The following THAP6 variants were observed in gnomAD, a reference collection of about 807,000 sequenced individuals.
The protein encoded by THAP6 is THAP domain containing 6, also known as THAP domain-containing protein 6.
Under a neutral mutation model 20.0 loss-of-function variants are expected in THAP6, and 13 were observed. That is an observed-to-expected ratio of 0.65 (90% CI 0.42 to 1.03). The LOEUF (loss-of-function observed/expected upper bound fraction) is 1.03, where lower values mean the gene tolerates loss of function less well. Among genes scored for constraint, THAP6 ranks in the 50% least tolerant of loss-of-function variants. The probability of loss-of-function intolerance (pLI) is 0.00; values close to 1 mark genes in which losing one functional copy is unlikely to be tolerated. For missense variants in THAP6, 262 were observed against 261.6 expected (o/e 1.00, Z -0.01); for synonymous variants, 93 against 92.2 (o/e 1.01, Z -0.05).
chr4:75,514,428 C>T, upstream of THAP6: 1 of 949,520 alleles, frequency 1.1e-6, no homozygotes, highest in South Asian at 2.0e-5. Context: ...TGACCCGGGG[C>T]AGACGGATTT....
rs1460002396 is a variant in THAP6, at chr4:75,528,414, C to T, written c.*1200C>T. 1 of 985,318 alleles carries T rather than the reference C, an allele frequency of 1.0e-6. No individual in the cohort carries two copies. The highest frequency in any genetic ancestry group is 1.2e-6 in the Non-Finnish European group (1 of 829,866). The allele number at this position is 985,318 out of a possible 1,614,324, so 61.0% of individuals were successfully genotyped here. A position where few individuals can be genotyped will look rare whatever the true frequency, so the allele number is the denominator to read the frequency against. On this transcript the variant is annotated 3_prime_UTR_variant, in exon 5 of 5. Coordinates refer to ENST00000311638, the MANE Select transcript of THAP6 (RefSeq NM_144721.6). ...GCCAAAGCAACACTCTACTTAGAAG[C>T]ACATGTACATACATGGACCTCATTC...
chr4:75,518,313 A>G (rs957891679), intron 3 of THAP6, among the ~76,000 whole-genome samples: 11 of 152,258 alleles, frequency 7.2e-5, no homozygotes, highest in African/African-American at 2.4e-4. Context: ...AAATAATCAC[A>G]TAATCCATAG....
intron 3 of THAP6, among the ~76,000 whole-genome samples, chr4:75,520,379 T>A (rs1717112993): frequency 6.6e-6 from 1 of 152,196 alleles, no homozygotes; most frequent in South Asian, 2.1e-4. Flanking sequence ...GATGTTCAGC[T>A]TGGATACATA....
downstream of THAP6, among the ~76,000 whole-genome samples, chr4:75,531,516 T>C (rs1031455457): frequency 1.3e-5 from 2 of 152,238 alleles, no homozygotes; most frequent in Non-Finnish European, 2.9e-5. Context: ...ATCATGAAAC[T>C]TGTGTGTGTG....
At chr4:75,525,851 C>T (rs1038655514) in intron 4 of THAP6, among the ~76,000 whole-genome samples, 1 of 152,186 alleles carries the variant, frequency 6.6e-6, no homozygotes, top group African/African-American at 2.4e-5. Flanking sequence ...GGAATAGTGG[C>T]TATACCCTGT....
At position 75,527,006 on chromosome 4, in the gene THAP6, A is replaced by G; in HGVS notation, c.461A>G (p.Lys154Arg). The change falls in exon 5 of 5, where the codon AAA (lysine) becomes AGA (arginine). Residue 154 changes from lysine to arginine, a missense_variant. Coordinates refer to ENST00000311638, the MANE Select transcript of THAP6 (RefSeq NM_144721.6). Reference sequence around the variant, plus strand: ...GACAGTCCAAAGAAACTTAAGCATAAATTAGATCATGTGATCGGCGAGCTA... The same window carrying G: ...GACAGTCCAAAGAAACTTAAGCATAGATTAGATCATGTGATCGGCGAGCTA... ...VMDSPKKLKH[K>R]LDHVIGELED... 1 of 1,614,098 alleles carries G rather than the reference A, an allele frequency of 6.2e-7. No individual in the cohort carries two copies. Among genetic ancestry groups the G allele is most frequent in the African/African-American group, 1.3e-5 (1 of 75,062 alleles).
downstream of THAP6, among the ~76,000 whole-genome samples, chr4:75,530,731 A>G (rs1392794142): frequency 1.3e-5 from 2 of 152,208 alleles, no homozygotes; most frequent in African/African-American, 4.8e-5. Context: ...ATGGAAAACC[A>G]TGCACCCAAT....
At chr4:75,545,888 C>T (rs998136559) in intron 3 of THAP6, among the ~76,000 whole-genome samples, 3 of 152,196 alleles carry the variant, frequency 2.0e-5, no homozygotes, top group Admixed American at 1.3e-4. Context: ...GCTGATCCAG[C>T]CTCAGACAGA....
At chr4:75,523,500 G>A (rs985719858) in intron 4 of THAP6, among the ~76,000 whole-genome samples, 1 of 152,030 alleles carries the variant, frequency 6.6e-6, no homozygotes. Context: ...GTGCTTGTGG[G>A]ATATTACTCA....
intron 3 of THAP6, among the ~76,000 whole-genome samples, chr4:75,521,017 G>A (rs557135018): frequency 6.6e-6 from 1 of 152,118 alleles, no homozygotes; most frequent in East Asian, 1.9e-4. Flanking sequence ...TTGAGGATAG[G>A]AATCATTTAA....
chr4:75,536,768 G>T (rs111348371), intron 2 of THAP6, among the ~76,000 whole-genome samples: 1 of 151,962 alleles, frequency 6.6e-6, no homozygotes, highest in Non-Finnish European at 1.5e-5. Context: ...TCAGCCTCCC[G>T]CAATCTGCCC....
In THAP6 at chr4:75,527,496, G is replaced by GA; in HGVS notation, c.*285dup. On this transcript the variant is annotated 3_prime_UTR_variant, in exon 5 of 5. Coordinates refer to ENST00000311638, the MANE Select transcript of THAP6 (RefSeq NM_144721.6). The stretch of plus-strand genomic sequence containing the variant: ...CTCAAGAAAATTTCACAGAGCTAAA[G>GA]AAATGATGTCAAATTAGTCACATTA... 1.7e-6 allele frequency: 2 copies of GA among 1,202,348 alleles called. No individual in the cohort carries two copies. The highest frequency in any genetic ancestry group is 1.0e-6 in the Non-Finnish European group (1 of 964,502). The allele number at this position is 1,202,348 out of a possible 1,614,324, so 74.5% of individuals were successfully genotyped here.
At chr4:75,525,045 G>A (rs1049688304) in intron 4 of THAP6, among the ~76,000 whole-genome samples, 5 of 152,078 alleles carry the variant, frequency 3.3e-5, no homozygotes, top group Non-Finnish European at 5.9e-5. Context: ...GTGAGCCACC[G>A]TGCTGGACAA....
chr4:75,526,835 C>G, intron 4 of THAP6, 125 bp from the exon 5 acceptor site: 1 of 1,399,484 alleles, frequency 7.1e-7, no homozygotes. Flanking sequence ...GTTCCTTAAA[C>G]CTCTATCACC....
At chr4:75,513,955 CTG>C (rs750308929), upstream of THAP6, 1 of 425,952 alleles carries the variant, frequency 2.3e-6, no homozygotes, top group Non-Finnish European at 4.0e-6. Context: ...GCAGAGACCA[CTG>C]TGCAAGCCTA....
At position 75,528,562 on chromosome 4, in the gene THAP6, T is replaced by C. The variant is rs190493868; in HGVS notation, c.*1348T>C. ...TTTATTTTTGTTACATTAATATTAG[T>C]TAAGATATGGTCACTTGAATTTTTT... On this transcript the variant is annotated 3_prime_UTR_variant, in exon 5 of 5. Transcript: ENST00000311638. 708 of 981,112 alleles carry C rather than the reference T, an allele frequency of 7.2e-4. No homozygotes were observed. The highest frequency in any genetic ancestry group is 1.6e-3 in the Middle Eastern group (3 of 1,902). The allele number at this position is 981,112 out of a possible 1,614,324, so 60.8% of individuals were successfully genotyped here. A position where few individuals can be genotyped will look rare whatever the true frequency, so the allele number is the denominator to read the frequency against.
At chr4:75,524,107 CT>C (rs1726217464) in intron 4 of THAP6, among the ~76,000 whole-genome samples, 1 of 152,134 alleles carries the variant, frequency 6.6e-6, no homozygotes, top group Admixed American at 6.5e-5. Flanking sequence ...GTTCTCTTTT[CT>C]GTTCCATTGG....
chr4:75,535,887 C>A (rs1435511872), intron 2 of THAP6, among the ~76,000 whole-genome samples: 1 of 152,130 alleles, frequency 6.6e-6, no homozygotes, highest in Non-Finnish European at 1.5e-5. Flanking sequence ...TACCTGGGTA[C>A]CTACATCATA....
intron 4 of THAP6, among the ~76,000 whole-genome samples, chr4:75,524,626 G>A (rs1012611349): frequency 2.6e-5 from 4 of 152,068 alleles, no homozygotes; most frequent in Middle Eastern, 3.2e-3. Flanking sequence ...TTTTTAAGAC[G>A]TTGCCCTGCT....
Sources: allele counts gnomAD v4.1 joint callset (sites outside exome capture counted in the v4.1 genomes callset), GRCh38; gene constraint gnomAD v4.1.1; transcripts MANE v1.5; gene names NCBI Gene and HGNC (gene_info 2026-07-23, HGNC 2026-07-21).